NRXN2: variants seen among roughly 807,000 people sequenced by gnomAD.
NRXN2 encodes neurexin-2-beta.
A neutral mutation model predicts 128.8 loss-of-function variants in NRXN2; 29 were observed. The ratio of observed to expected loss-of-function variants is 0.23; its 90% CI spans 0.17 to 0.31. The LOEUF is 0.31. Among genes scored for constraint, NRXN2 ranks in the 10% least tolerant of loss-of-function variants. The pLI is 1.00. For synonymous variants in NRXN2, 1,098 were observed against 1,075.2 expected (o/e 1.02, Z -0.41); for missense variants, 1,881 against 2,452.6 (o/e 0.77, Z 4.92).
chr11:64,651,282 T>G lies in NRXN2; in HGVS notation c.2891A>C (p.Asp964Ala), dbSNP rs1250126378. 6.2e-7 allele frequency: 1 copy of G among 1,613,986 alleles called. No individual in the cohort carries two copies. Reference protein sequence around the residue: ...LLLFNSGNGNDFIVIELVKGY... With the variant: ...LLLFNSGNGNAFIVIELVKGY... ...CTTGACCAGCTCGATGACAATGAAG[T>G]CATTGCCGTTGCCCGAGTTGAACAG... The change falls in exon 14 of 23, where the codon GAC becomes GCC. Residue 964 changes from aspartate to alanine, a missense_variant. Around this residue, in one of 7 missense-constraint regions of NRXN2, gnomAD observed 390 missense variants for 599.6 expected, o/e 0.65. Transcript: ENST00000265459. This position sits in a 1 kb window ranked among gnomAD's most constrained non-coding sequence, Gnocchi z 5.9.
intron 1 of NRXN2, among the ~76,000 whole-genome samples, chr11:64,716,427 C>T (rs1444653218): frequency 6.6e-6 from 1 of 152,170 alleles, no homozygotes; most frequent in Non-Finnish European, 1.5e-5. Context: ...GGGAGGCTGC[C>T]AGAGGCTGGA....
In NRXN2 at chr11:64,670,695, A is replaced by G. The variant is rs115877530; in HGVS notation, c.1198-2091T>C. On this transcript the variant is annotated intron_variant, in intron 7 of 22. Transcript: ENST00000265459. ...GAACATAATCCAGGGGATACAGCAC[A>G]CAGTCATTAAAGATCGCCTTATGAC... Among the ~76,000 whole-genome samples the G allele has an allele frequency of 3.0e-3, 464 of 152,330 alleles. 1 individual carries two copies. Among genetic ancestry groups the G allele is most frequent in the African/African-American group, 0.011 (439 of 41,564 alleles).
intron 9 of NRXN2, chr11:64,661,483 A>T: frequency 1.0e-6 from 1 of 982,504 alleles, no homozygotes; most frequent in Non-Finnish European, 1.3e-6. Context: ...GGGTTGGATC[A>T]TTCACTGGGT....
At chr11:64,636,452 C>T (rs1350956519) in intron 17 of NRXN2, among the ~76,000 whole-genome samples, 1 of 151,982 alleles carries the variant, frequency 6.6e-6, no homozygotes, top group Non-Finnish European at 1.5e-5. Flanking sequence ...GGAGCCTTGT[C>T]TGGGAGGCCT....
intron 9 of NRXN2, among the ~76,000 whole-genome samples, chr11:64,662,844 C>T (rs1374160164): frequency 6.6e-6 from 1 of 151,938 alleles, no homozygotes; most frequent in East Asian, 1.9e-4. Context: ...AATCTCTCTC[C>T]TCACGCAAGA....
Position 64,667,822 on chromosome 11 carries a change from C to T in NRXN2, c.1360-134G>A, listed in dbSNP as rs2050098495. ...CCCTGCTCAGTTCCACCAGACCACC[C>T]GCTTAGGCCTCTGTTCTACAGCTTC... On this transcript the variant is annotated intron_variant, in intron 8 of 22. Transcript: ENST00000265459. This position sits in a 1 kb window ranked among gnomAD's most constrained non-coding sequence, Gnocchi z 5.6. 5.1e-6 allele frequency: 4 copies of T among 782,322 alleles called. No homozygotes were observed. The highest frequency in any genetic ancestry group is 3.3e-4 in the Middle Eastern group (1 of 3,004). The allele number at this position is 782,322 out of a possible 1,614,324, so 48.5% of individuals were successfully genotyped here. A position where few individuals can be genotyped will look rare whatever the true frequency, so the allele number is the denominator to read the frequency against.
intron 7 of NRXN2, among the ~76,000 whole-genome samples, chr11:64,673,157 C>T (rs376914095): frequency 6.6e-6 from 1 of 152,202 alleles, no homozygotes; most frequent in South Asian, 2.1e-4. Flanking sequence ...TGGAAACAAT[C>T]TCTGCCTGCT....
chr11:64,707,673 C>G (rs985891744), intron 2 of NRXN2, among the ~76,000 whole-genome samples: 4 of 152,212 alleles, frequency 2.6e-5, no homozygotes, highest in Non-Finnish European at 4.4e-5. Context: ...CCATTATTAT[C>G]TTCATTTATA....
intron 11 of NRXN2, among the ~76,000 whole-genome samples, chr11:64,657,584 T>C (rs2048445715): frequency 6.6e-6 from 1 of 152,104 alleles, no homozygotes; most frequent in Non-Finnish European, 1.5e-5. Flanking sequence ...AAGATTCTTA[T>C]CTCCATTTTA....
At chr11:64,669,101 C>A (rs1356306088) in intron 7 of NRXN2, among the ~76,000 whole-genome samples, 1 of 152,210 alleles carries the variant, frequency 6.6e-6, no homozygotes, top group Non-Finnish European at 1.5e-5. Context: ...TCACCTGCAG[C>A]CCTCTCTGCT....
chr11:64,661,894 G>A (rs941035314), intron 9 of NRXN2, among the ~76,000 whole-genome samples: 1 of 152,152 alleles, frequency 6.6e-6, no homozygotes, highest in Non-Finnish European at 1.5e-5. Flanking sequence ...GGCCTGCGGG[G>A]CAGGACAGCA....
intron 17 of NRXN2, chr11:64,643,353 G>C: frequency 3.5e-6 from 3 of 846,868 alleles, no homozygotes; most frequent in Non-Finnish European, 4.2e-6. Flanking sequence ...AGGAGGGAGC[G>C]GCCGGGGGAG....
chr11:64,620,915 A>T (rs2042245287), intron 21 of NRXN2, among the ~76,000 whole-genome samples: 2 of 151,800 alleles, frequency 1.3e-5, no homozygotes, highest in South Asian at 4.2e-4. Flanking sequence ...CGACAAGAGA[A>T]GACTTTGTCA....
chr11:64,695,876 C>T (rs1217420095), intron 3 of NRXN2, among the ~76,000 whole-genome samples: 1 of 152,086 alleles, frequency 6.6e-6, no homozygotes, highest in African/African-American at 2.4e-5. Context: ...CCCCATGGGT[C>T]CCCAAAGCCC....
intron 22 of NRXN2, among the ~76,000 whole-genome samples, chr11:64,611,448 A>G (rs1490189406): frequency 2.0e-5 from 3 of 152,204 alleles, no homozygotes; most frequent in African/African-American, 7.2e-5. Flanking sequence ...GGGCCCCAGC[A>G]AAGTGCCAGG....
At chr11:64,703,180 CA>C (rs1178460328) in intron 2 of NRXN2, among the ~76,000 whole-genome samples, 2 of 151,978 alleles carry the variant, frequency 1.3e-5, no homozygotes, top group Non-Finnish European at 2.9e-5. Flanking sequence ...GTGAAATATC[CA>C]AAAGTGAGGA....
At chr11:64,702,328 T>G (rs1364200618) in intron 2 of NRXN2, among the ~76,000 whole-genome samples, 2 of 152,110 alleles carry the variant, frequency 1.3e-5, no homozygotes, top group African/African-American at 2.4e-5. Flanking sequence ...GAACGGGCCA[T>G]GATGACAATG....
chr11:64,708,557 G>A (rs1362936877), intron 2 of NRXN2, among the ~76,000 whole-genome samples: 3 of 152,138 alleles, frequency 2.0e-5, no homozygotes, highest in South Asian at 2.1e-4. Flanking sequence ...CTTCAATTAC[G>A]TGTGGCCAGA....
Position 64,622,216 on chromosome 11 carries a change from G to A in NRXN2, c.4173+537C>T, listed in dbSNP as rs1372447270. Among the ~76,000 whole-genome samples the A allele has an allele frequency of 2.0e-5, 3 of 152,170 alleles. No homozygotes were observed. The highest frequency in any genetic ancestry group is 4.4e-5 in the Non-Finnish European group (3 of 68,030). Reference sequence around the variant, plus strand: ...TGCAGCCAGGGCTTTCCCACTGCAGGGACCCCAGCAAACAAGGAGAGGCTC... The same window carrying A: ...TGCAGCCAGGGCTTTCCCACTGCAGAGACCCCAGCAAACAAGGAGAGGCTC... On this transcript the variant is annotated intron_variant, in intron 21 of 22. Transcript: ENST00000265459. This position sits in a 1 kb window ranked among gnomAD's most constrained non-coding sequence, Gnocchi z 4.3.
Sources: gnomAD v4.1 joint callset for allele counts (sites outside exome capture counted in the v4.1 genomes callset) on GRCh38, gnomAD v4.1.1 for gene constraint, gnomAD v4.1.1 regional missense constraint, Gnocchi (gnomAD v3.1) non-coding constraint, MANE v1.5 for transcripts, NCBI Gene and HGNC (gene_info 2026-07-23, HGNC 2026-07-21) for gene names.